Variants in DNAH12 observed in about 807,000 individuals in gnomAD.
DNAH12 encodes axonemal beta dynein heavy chain 12.
A neutral mutation model predicts 371.5 loss-of-function variants in DNAH12; 285 were observed. That is an observed-to-expected ratio of 0.77 (90% CI 0.70 to 0.85). DNAH12 has a LOEUF of 0.85. Ranked by LOEUF, DNAH12 falls within the 40% of genes least tolerant of loss-of-function variation. The probability of loss-of-function intolerance (pLI) is 0.00; values close to 1 mark genes in which losing one functional copy is unlikely to be tolerated. For synonymous variants in DNAH12, 1,200 were observed against 1,213.0 expected (o/e 0.99, Z 0.22); for missense variants, 3,611 against 3,689.4 (o/e 0.98, Z 0.55).
chr3:57,437,705 C>T (rs1037880723), intron 29 of DNAH12, among the ~76,000 whole-genome samples: 5 of 152,176 alleles, frequency 3.3e-5, no homozygotes, highest in African/African-American at 4.8e-5. Flanking sequence ...AAATGCCAAG[C>T]TGGTTCTCCC....
rs539161372 is a variant in DNAH12, at chr3:57,444,771, G to A, written c.4471C>T (p.His1491Tyr). 1.9e-5 allele frequency: 29 copies of A among 1,548,466 alleles called. No individual in the cohort carries two copies. In the African/African-American group the frequency reaches 3.2e-4, roughly 17 times the overall value. ...ATTCCATTAAATAAAGGTATATCAT[G>A]TGATAAAAACTTTGGTTCATTTACA... Reference protein sequence around the residue: ...KDVNEPKFLSHDIPLFNGITS... With the variant: ...KDVNEPKFLSYDIPLFNGITS... The change falls in exon 29 of 74, where the codon CAT (histidine) becomes TAT (tyrosine). Residue 1491 changes from histidine (H) to tyrosine (Y), a missense_variant. Physicochemically the swap from His to Tyr is moderately conservative, Grantham distance 83. Coordinates refer to ENST00000495027, the MANE Select transcript of DNAH12 (RefSeq NM_001366028.2).
At chr3:57,486,858 C>A (rs2066936943) in intron 12 of DNAH12, among the ~76,000 whole-genome samples, 2 of 151,836 alleles carry the variant, frequency 1.3e-5, no homozygotes. Context: ...AATAAAGCAA[C>A]ATAAAAGGAA....
chr3:57,525,324 T>G (rs548100133), intron 2 of DNAH12, among the ~76,000 whole-genome samples: 65 of 152,278 alleles, frequency 4.3e-4, no homozygotes, highest in African/African-American at 1.5e-3. Flanking sequence ...AATAAGCATC[T>G]GGTGAATGAA....
intron 69 of DNAH12, among the ~76,000 whole-genome samples, chr3:57,303,339 C>CAAAA (rs1310949192): frequency 3.3e-5 from 2 of 61,384 alleles, no homozygotes; most frequent in African/African-American, 5.7e-5. Context: ...GACGCCAGCT[C>CAAAA]AAAAAAAAAA....
At position 57,461,515 on chromosome 3, in the gene DNAH12, T is replaced by G; in HGVS notation, c.2710A>C (p.Ile904Leu). 6.4e-7 allele frequency: 1 copy of G among 1,551,390 alleles called. No individual in the cohort carries two copies. The highest frequency in any genetic ancestry group is 8.7e-7 in the Non-Finnish European group (1 of 1,146,840). ...KTQTMRGSPFIKPFEHEIKAW... is the reference protein window; with the variant it reads ...KTQTMRGSPFLKPFEHEIKAW... Reference sequence around the variant, plus strand: ...TTGATCTCATGTTCAAATGGTTTGATGAAAGGTGAGCCTCTCATTGTCTGA... The same window carrying G: ...TTGATCTCATGTTCAAATGGTTTGAGGAAAGGTGAGCCTCTCATTGTCTGA... The change falls in exon 19 of 74, where the codon ATC becomes CTC. Residue 904 changes from isoleucine to leucine, a missense_variant. By Grantham distance (5) the Ile-to-Leu change is conservative. Transcript: ENST00000495027.
At chr3:57,391,094 T>G (rs2063612779) in intron 45 of DNAH12, among the ~76,000 whole-genome samples, 1 of 152,234 alleles carries the variant, frequency 6.6e-6, no homozygotes, top group Non-Finnish European at 1.5e-5. Context: ...ATTTTATGTG[T>G]CAGTCAACTT....
At chr3:57,368,790 A>G (rs1459062490) in intron 55 of DNAH12, among the ~76,000 whole-genome samples, 1 of 152,218 alleles carries the variant, frequency 6.6e-6, no homozygotes, top group Admixed American at 6.5e-5. Context: ...ACTGTGTTCA[A>G]GAACATATGA....
chr3:57,503,883 G>A, intron 9 of DNAH12, 133 bp downstream of exon 9: 2 of 752,816 alleles, frequency 2.7e-6, no homozygotes, highest in South Asian at 6.9e-5. Flanking sequence ...CAAAGAGAAA[G>A]CAATTTCTAA....
At chr3:57,498,827 A>G (rs774381532) in intron 11 of DNAH12, among the ~76,000 whole-genome samples, 2 of 152,008 alleles carry the variant, frequency 1.3e-5, no homozygotes, top group Non-Finnish European at 2.9e-5. Flanking sequence ...GTGAAACCCC[A>G]TCTCTACTAA....
At chr3:57,545,088 T>C (rs549120648), upstream of DNAH12, among the ~76,000 whole-genome samples, 2 of 151,866 alleles carry the variant, frequency 1.3e-5, no homozygotes, top group Middle Eastern at 3.4e-3. Flanking sequence ...AATGAACAAG[T>C]AAAACTTCCT....
rs1363340552 is a variant in DNAH12, at chr3:57,433,504, T to C, written c.4843A>G (p.Thr1615Ala). The change falls in exon 32 of 74, where the codon ACT becomes GCT. Residue 1615 changes from threonine to alanine, a missense_variant. Coordinates refer to ENST00000495027, the MANE Select transcript of DNAH12 (RefSeq NM_001366028.2). ...AAAGTGTTAGCCACAATACCATCAG[T>C]CCACTGAGGAGGAAAAAAAAGAATT... ...GQFDPVSHEW[T>A]DGIVANTFRE... 8 of 1,547,800 alleles carry C rather than the reference T, an allele frequency of 5.2e-6. No individual in the cohort carries two copies. Among genetic ancestry groups the C allele is most frequent in the Non-Finnish European group, 7.0e-6 (8 of 1,146,130 alleles).
At chr3:57,545,407 C>T (rs1234890692), upstream of DNAH12, among the ~76,000 whole-genome samples, 2 of 151,792 alleles carry the variant, frequency 1.3e-5, no homozygotes, top group East Asian at 3.9e-4. Context: ...CATCCGCCCA[C>T]CTCGGCCTCC....
chr3:57,429,875 T>C (rs1046615669), intron 32 of DNAH12, 101 bp from the exon 33 acceptor site: 66 of 982,222 alleles, frequency 6.7e-5, no homozygotes, highest in Non-Finnish European at 8.2e-5. Flanking sequence ...TGTGATATAA[T>C]GGAATAAGAA....
chr3:57,513,001 T>C (rs964554052), intron 4 of DNAH12, among the ~76,000 whole-genome samples: 5 of 151,998 alleles, frequency 3.3e-5, no homozygotes, highest in Admixed American at 1.3e-4. Flanking sequence ...TAGCCAGGCG[T>C]GGTGGCAGGC....
At position 57,540,356 on chromosome 3, in the gene DNAH12, T is replaced by G. The variant is rs563490308; in HGVS notation, c.170+2345A>C. 4.6e-5 allele frequency among the ~76,000 whole-genome samples: 7 copies of G among 152,310 alleles called. No homozygotes were observed. The East Asian group carries it at 1.4e-3, about 29-fold the overall frequency. On this transcript the variant is annotated intron_variant, in intron 2 of 73. Transcript: ENST00000495027. ...GTAAGCCACCGTCTGTTGTGTTTTC[T>G]ATGGTCTCCTCAGTAACAGGTATCT...
At chr3:57,354,449 T>G (rs1440926094) in intron 59 of DNAH12, among the ~76,000 whole-genome samples, 1 of 150,794 alleles carries the variant, frequency 6.6e-6, no homozygotes, top group Non-Finnish European at 1.5e-5. Context: ...CTGTGACATG[T>G]AGTTTACCTG....
rs1351392396 is a variant in DNAH12 at position 57,520,060 on chromosome 3, G to C, written c.279+3523C>G. 3.3e-5 allele frequency: 20 copies of C among 611,174 alleles called. No individual in the cohort carries two copies. The South Asian group carries it at 3.6e-4, about 11-fold the overall frequency. 37.9% of individuals were successfully genotyped at this position (611,174 alleles called of 1,614,324 possible). ...GACGTTGGGTTGGGGAAAGCCGGAG[G>C]CTGTGGCGGCTCTGTGGCTACAGCG... On this transcript the variant is annotated intron_variant, in intron 4 of 73. Coordinates refer to ENST00000495027, the MANE Select transcript of DNAH12 (RefSeq NM_001366028.2).
chr3:57,531,569 C>G (rs1249600597), intron 2 of DNAH12, among the ~76,000 whole-genome samples: 3 of 151,894 alleles, frequency 2.0e-5, no homozygotes, highest in Non-Finnish European at 4.4e-5. Flanking sequence ...CGAGACCAAC[C>G]TGGCCAACAT....
At chr3:57,362,132 C>A (rs1434353970) in intron 58 of DNAH12, among the ~76,000 whole-genome samples, 2 of 151,826 alleles carry the variant, frequency 1.3e-5, no homozygotes, top group African/African-American at 4.8e-5. Flanking sequence ...TCTGTCCTTG[C>A]AATAGTTTGC....
Sources: allele counts gnomAD v4.1 joint callset (sites outside exome capture counted in the v4.1 genomes callset), GRCh38; gene constraint gnomAD v4.1.1; transcripts MANE v1.5; gene names NCBI Gene and HGNC (gene_info 2026-07-23, HGNC 2026-07-21).